AGBL4: variants seen among roughly 807,000 people sequenced by gnomAD.
AGBL4 encodes the protein cytosolic carboxypeptidase 6.
Under a neutral mutation model 66.4 loss-of-function variants are expected in AGBL4, and 58 were observed. That is an observed-to-expected ratio of 0.87 (90% CI 0.71 to 1.09). The LOEUF is 1.09. Ranked by LOEUF, AGBL4 falls within the 50% of genes least tolerant of loss-of-function variation. AGBL4 has a pLI of 0.00. For missense variants in AGBL4, 579 were observed against 631.0 expected, an observed-to-expected ratio of 0.92 and a Z score of 0.88; for synonymous variants, 234 against 222.9, an observed-to-expected ratio of 1.05 and a Z score of -0.44.
chr1:49,497,376 T>A (rs538113957), intron 3 of AGBL4, among the ~76,000 whole-genome samples: 2 of 152,126 alleles, frequency 1.3e-5, no homozygotes, highest in South Asian at 4.1e-4. Context: ...TTTGACGTAA[T>A]TACATTTGTT....
chr1:49,673,004 A>T (rs1046991238), intron 3 of AGBL4, among the ~76,000 whole-genome samples: 1 of 151,936 alleles, frequency 6.6e-6, no homozygotes, highest in East Asian at 1.9e-4. Context: ...AAAAGAAAAG[A>T]CATACACTTC....
chr1:49,315,625 C>G (rs1645026718), intron 3 of AGBL4, among the ~76,000 whole-genome samples: 1 of 152,082 alleles, frequency 6.6e-6, no homozygotes, highest in African/African-American at 2.4e-5. Flanking sequence ...ATGCGGCCAA[C>G]AAACATATGG....
At chr1:49,385,074 T>C (rs2148582177) in intron 3 of AGBL4, among the ~76,000 whole-genome samples, 1 of 152,308 alleles carries the variant, frequency 6.6e-6, no homozygotes, top group East Asian at 1.9e-4. Context: ...AAGTACTGCC[T>C]GATTTCTCTT....
At chr1:49,094,678 G>C (rs902983965) in intron 4 of AGBL4, among the ~76,000 whole-genome samples, 20 of 151,928 alleles carry the variant, frequency 1.3e-4, no homozygotes, top group Admixed American at 1.0e-3. Context: ...GTATTGATGG[G>C]CTGTATCTCA....
intron 3 of AGBL4, among the ~76,000 whole-genome samples, chr1:49,636,156 C>G (rs1645667617): frequency 6.6e-6 from 1 of 152,098 alleles, no homozygotes; most frequent in Non-Finnish European, 1.5e-5. Context: ...AATGGATAAA[C>G]TGAGTGTTAT....
At chr1:49,449,721 T>G in intron 3 of AGBL4, among the ~76,000 whole-genome samples, 1 of 151,934 alleles carries the variant, frequency 6.6e-6, no homozygotes, top group South Asian at 2.1e-4. Context: ...ACCAACCAAT[T>G]TTTTTAAATT....
At chr1:49,465,442 C>CA (rs1646610099) in intron 3 of AGBL4, among the ~76,000 whole-genome samples, 1 of 151,738 alleles carries the variant, frequency 6.6e-6, no homozygotes, top group African/African-American at 2.4e-5. Context: ...CTGTGGGGCT[C>CA]ACAGGAGATA....
chr1:49,815,999 T>TC (rs1181786233), intron 2 of AGBL4, among the ~76,000 whole-genome samples: 2 of 151,980 alleles, frequency 1.3e-5, no homozygotes, highest in African/African-American at 2.4e-5. Flanking sequence ...GAAGCAATCC[T>TC]CCCCCATCAG....
intron 3 of AGBL4, among the ~76,000 whole-genome samples, chr1:49,457,471 G>A (rs929339063): frequency 2.6e-5 from 4 of 151,778 alleles, no homozygotes; most frequent in African/African-American, 4.8e-5. Context: ...CCCTTTGTTG[G>A]ATGTACAGAC....
At chr1:49,425,653 A>C (rs1375287217) in intron 3 of AGBL4, among the ~76,000 whole-genome samples, 1 of 152,208 alleles carries the variant, frequency 6.6e-6, no homozygotes, top group Non-Finnish European at 1.5e-5. Context: ...CCCTGCTCAT[A>C]CATATTAATT....
intron 2 of AGBL4, among the ~76,000 whole-genome samples, chr1:49,830,551 G>C (rs1645642588): frequency 6.6e-6 from 1 of 152,016 alleles, no homozygotes; most frequent in South Asian, 2.1e-4. Flanking sequence ...CTCCAATTTT[G>C]TGAGTTGCCT....
At chr1:49,202,567 T>C (rs1647792285) in intron 4 of AGBL4, among the ~76,000 whole-genome samples, 1 of 151,896 alleles carries the variant, frequency 6.6e-6, no homozygotes, top group East Asian at 1.9e-4. Context: ...AAATTGGATA[T>C]CCACATTGAA....
At chr1:48,977,223 G>A (rs1331875891) in intron 5 of AGBL4, among the ~76,000 whole-genome samples, 1 of 152,168 alleles carries the variant, frequency 6.6e-6, no homozygotes, top group African/African-American at 2.4e-5. Context: ...CTCTGTGACT[G>A]TAGACTGTTT....
intron 3 of AGBL4, among the ~76,000 whole-genome samples, chr1:49,544,504 A>C (rs1230539294): frequency 6.6e-6 from 1 of 152,224 alleles, no homozygotes; most frequent in Non-Finnish European, 1.5e-5. Flanking sequence ...TTCAGATATA[A>C]AATCTCTAAA....
chr1:49,991,597 T>C (rs952577117), intron 1 of AGBL4, among the ~76,000 whole-genome samples: 6 of 152,068 alleles, frequency 3.9e-5, no homozygotes, highest in African/African-American at 1.4e-4. Context: ...TCTCCCAGAG[T>C]CAAGTTTCAC....
chr1:49,650,788 C>G (rs545432154), intron 3 of AGBL4, among the ~76,000 whole-genome samples: 1 of 152,344 alleles, frequency 6.6e-6, no homozygotes, highest in East Asian at 1.9e-4. Flanking sequence ...CAGTCCCTAT[C>G]TGTGAAGCGG....
Position 49,205,013 on chromosome 1 carries a change from C to G in AGBL4, c.377+40757G>C, listed in dbSNP as rs150409486. Among the ~76,000 whole-genome samples the G allele has an allele frequency of 1.4e-3, 208 of 152,212 alleles. 1 individual carries two copies. The highest frequency in any genetic ancestry group is 4.8e-3 in the African/African-American group (198 of 41,560). On this transcript the variant is annotated intron_variant, in intron 4 of 13. Transcript: ENST00000371839. ...ATTGTTTCCTTCTTCCTGGGTACAA[C>G]TACTCAGAGAAGATATACTGATTTT...
intron 2 of AGBL4, among the ~76,000 whole-genome samples, chr1:49,736,278 G>A (rs1374191794): frequency 1.3e-5 from 2 of 151,532 alleles, no homozygotes; most frequent in South Asian, 4.2e-4. Context: ...TTGAAAAAAA[G>A]CAAGAGAAGA....
At chr1:48,910,821 A>G (rs974974123) in intron 5 of AGBL4, among the ~76,000 whole-genome samples, 2 of 152,116 alleles carry the variant, frequency 1.3e-5, no homozygotes, top group African/African-American at 4.8e-5. Context: ...CCTTTCTGTC[A>G]TGGGTTATTT....
Sources: allele counts gnomAD v4.1 joint callset (sites outside exome capture counted in the v4.1 genomes callset), GRCh38; gene constraint gnomAD v4.1.1; transcripts MANE v1.5; gene names NCBI Gene and HGNC (gene_info 2026-07-23, HGNC 2026-07-21).